Variants in KCNN1 observed in about 807,000 individuals in gnomAD.
The protein encoded by KCNN1 is potassium calcium-activated channel subfamily N member 1, also known as small conductance calcium-activated potassium channel protein 1.
Under a neutral mutation model 44.7 loss-of-function variants are expected in KCNN1, and 20 were observed. The ratio of observed to expected loss-of-function variants is 0.45; its 90% CI spans 0.32 to 0.65. The LOEUF is 0.65. Among genes scored for constraint, KCNN1 ranks in the 30% least tolerant of loss-of-function variants. The pLI, the probability that KCNN1 is intolerant of heterozygous loss-of-function variation, is 0.05. For missense variants in KCNN1, 632 were observed against 785.3 expected (o/e 0.80, Z 2.33); for synonymous variants, 324 against 341.7 (o/e 0.95, Z 0.57).
At chr19:17,985,574 G>A (rs552932591) in intron 5 of KCNN1, 121 bp downstream of exon 5, 144 of 873,290 alleles carry the variant, frequency 1.6e-4, no homozygotes, top group African/African-American at 3.4e-4. Context: ...CCTGATCAGC[G>A]TCCCTCCATC....
At chr19:17,955,136 G>T (rs945271765) in intron 2 of KCNN1, among the ~76,000 whole-genome samples, 1 of 147,420 alleles carries the variant, frequency 6.8e-6, no homozygotes, top group African/African-American at 2.5e-5. Flanking sequence ...CTAGCTACTC[G>T]GAAGGCTAAG....
rs375831564 is a variant in KCNN1 at position 17,998,086 on chromosome 19, C to G, written c.1378-66C>G. The G allele has an allele frequency of 4.1e-6, 6 of 1,463,174 alleles. No individual in the cohort carries two copies. The highest frequency in any genetic ancestry group is 5.4e-6 in the Non-Finnish European group (6 of 1,101,530). The allele number at this position is 1,463,174 out of a possible 1,614,324, so 90.6% of individuals were successfully genotyped here. A position where few individuals can be genotyped will look rare whatever the true frequency, so the allele number is the denominator to read the frequency against. ...GGCTGTCCCTCTCTGTCATTGGTGT[C>G]GTGGTATCGTCCTTTCCTCTCTCAC... is the stretch of plus-strand genomic sequence containing the variant. On this transcript the variant is annotated intron_variant, in intron 9 of 9. Transcript: ENST00000684775. The surrounding 1 kb of genome is among the most constrained non-coding windows in gnomAD (Gnocchi z 5.4).
intron 2 of KCNN1, among the ~76,000 whole-genome samples, chr19:17,961,562 T>TTTTC (rs891824391): frequency 1.6e-4 from 23 of 142,588 alleles, no homozygotes; most frequent in East Asian, 4.1e-4. Context: ...CAAAACCCTA[T>TTTTC]TTTCTTTCTT....
Position 17,988,487 on chromosome 19 carries a change from G to A in KCNN1, c.1132G>A (p.Val378Met), listed in dbSNP as rs1338697202. ...GGAGCTCACCAAGGCTGAGAAGCAC[G>A]TGCACAACTTCATGATGGACACTCA... ...KLELTKAEKH[V>M]HNFMMDTQLT... Residue 378 changes from valine to methionine, a missense_variant, in exon 6 of 10, where the codon GTG becomes ATG. By Grantham distance (21) the Val-to-Met change is conservative. Transcript: ENST00000684775. 1.2e-6 allele frequency: 2 copies of A among 1,613,868 alleles called. No individual in the cohort carries two copies. The highest frequency in any genetic ancestry group is 2.2e-5 in the East Asian group (1 of 44,864).
chr19:17,984,540 C>T (rs2032528879), intron 4 of KCNN1, among the ~76,000 whole-genome samples: 1 of 152,142 alleles, frequency 6.6e-6, no homozygotes, highest in Non-Finnish European at 1.5e-5. Context: ...CAGAAAAAGG[C>T]CAAGGGGATT....
Position 17,999,094 on chromosome 19 carries a change from T to C in KCNN1, c.*688T>C, listed in dbSNP as rs991145843. 1.3e-5 allele frequency: 2 copies of C among 152,232 alleles called. No individual in the cohort carries two copies. The highest frequency in any genetic ancestry group is 6.5e-5 in the Admixed American group (1 of 15,276). 9.4% of individuals were successfully genotyped at this position (152,232 alleles called of 1,614,324 possible). ...TGAGATTTGTATTGAGCACCTGCTG[T>C]CTACAGAGAATGTGATGATGTCAAT... is the stretch of plus-strand genomic sequence containing the variant. On this transcript the variant is annotated 3_prime_UTR_variant, in exon 10 of 10. Transcript: ENST00000684775.
rs770400490 is a variant in KCNN1, at chr19:17,993,031, C to A, written c.1299-23C>A. 1.8e-5 allele frequency: 29 copies of A among 1,613,242 alleles called. No individual in the cohort carries two copies. Among genetic ancestry groups the A allele is most frequent in the Non-Finnish European group, 2.4e-5 (28 of 1,179,634 alleles). On this transcript the variant is annotated intron_variant, in intron 7 of 9. Coordinates refer to ENST00000684775, the MANE Select transcript of KCNN1 (RefSeq NM_001386974.1). The surrounding 1 kb of genome is among the most constrained non-coding windows in gnomAD (Gnocchi z 4.5). ...GTTAAAATTGCCTTGTGATTTTTCT[C>A]CTGCTCTGCCCGGTCCTGCCAGGGC...
At chr19:17,979,942 C>T (rs961766599) in intron 3 of KCNN1, among the ~76,000 whole-genome samples, 4 of 152,074 alleles carry the variant, frequency 2.6e-5, no homozygotes, top group African/African-American at 9.7e-5. Flanking sequence ...GCACCCACAC[C>T]TGGAATCTCA....
chr19:17,976,865 G>A (rs1191975805), intron 3 of KCNN1, among the ~76,000 whole-genome samples: 2 of 151,648 alleles, frequency 1.3e-5, no homozygotes, highest in Non-Finnish European at 1.5e-5. Flanking sequence ...ACAGGTGCCC[G>A]CCACCACGCC....
intron 9 of KCNN1, among the ~76,000 whole-genome samples, chr19:17,995,731 G>T (rs1004160218): frequency 9.9e-5 from 15 of 151,622 alleles, no homozygotes; most frequent in Non-Finnish European, 1.6e-4. Flanking sequence ...GATTACAGGT[G>T]TATGCCGCCA....
chr19:17,962,551 G>A (rs942075947), upstream of KCNN1, among the ~76,000 whole-genome samples: 1 of 152,136 alleles, frequency 6.6e-6, no homozygotes, highest in African/African-American at 2.4e-5. Flanking sequence ...GAGGTGCTCA[G>A]TAGATGCTGA....
chr19:17,978,424 G>GTT (rs936725904), intron 3 of KCNN1, among the ~76,000 whole-genome samples: 277 of 117,054 alleles, frequency 2.4e-3, no homozygotes, highest in East Asian at 1.0e-2. Context: ...TGCCCAGCCT[G>GTT]TTTTTTTTTT....
rs545052384 is a variant in KCNN1 at position 17,996,475 on chromosome 19, G to A, written c.1378-1677G>A. Among the ~76,000 whole-genome samples the A allele has an allele frequency of 3.3e-5, 5 of 152,120 alleles. No homozygotes were observed. The East Asian group carries it at 5.8e-4, about 18-fold the overall frequency. On this transcript the variant is annotated intron_variant, in intron 9 of 9. Transcript: ENST00000684775. The stretch of plus-strand genomic sequence containing the variant: ...ACAAAAATTAGCCGGGTGTGGTAGC[G>A]GGCACCTGTAATCTCAGCTACTTGG...
chr19:17,988,623 G>A (rs2032685122), intron 6 of KCNN1, 98 bp downstream of exon 6: 1 of 905,622 alleles, frequency 1.1e-6, no homozygotes, highest in Non-Finnish European at 1.7e-6. Flanking sequence ...ATGCTCATGT[G>A]CCCATGGGTT....
intron 6 of KCNN1, 111 bp from the exon 7 acceptor site, chr19:17,989,605 C>A: frequency 6.6e-7 from 1 of 1,513,634 alleles, no homozygotes; most frequent in African/African-American, 1.4e-5. Flanking sequence ...CCCAGGGACC[C>A]TGAGAGGCAT....
At chr19:17,981,615 A>C in intron 3 of KCNN1, 94 bp from the exon 4 acceptor site, 2 of 1,089,272 alleles carry the variant, frequency 1.8e-6, no homozygotes, top group East Asian at 5.4e-5. Context: ...GTTTCAGGCC[A>C]GGCTGACGTC....
chr19:17,988,482 A>T lies in KCNN1; in HGVS notation c.1127A>T (p.Lys376Met). ...AAGCTGGAGCTCACCAAGGCTGAGAAGCACGTGCACAACTTCATGATGGAC... is the reference window on the plus strand; with the variant it reads ...AAGCTGGAGCTCACCAAGGCTGAGATGCACGTGCACAACTTCATGATGGAC... ...ARKLELTKAE[K>M]HVHNFMMDTQ... is the part of the protein sequence containing the mutation. Residue 376 changes from lysine (K) to methionine (M), a missense_variant, in exon 6 of 10, where the codon AAG becomes ATG. Transcript: ENST00000684775. 5.6e-6 allele frequency: 9 copies of T among 1,613,834 alleles called. No homozygotes were observed. Among genetic ancestry groups the T allele is most frequent in the Non-Finnish European group, 7.6e-6 (9 of 1,179,916 alleles).
intron 3 of KCNN1, among the ~76,000 whole-genome samples, chr19:17,977,020 T>G (rs1411184413): frequency 1.3e-5 from 2 of 152,034 alleles, no homozygotes; most frequent in Non-Finnish European, 2.9e-5. Context: ...CCTGGCCTAT[T>G]CAACCTTAAC....
chr19:17,965,319 G>C (rs1177761319), upstream of KCNN1, among the ~76,000 whole-genome samples: 1 of 151,988 alleles, frequency 6.6e-6, no homozygotes, highest in South Asian at 2.1e-4. Context: ...TACAGCCTGT[G>C]CAAGCAGACC....
Sources: allele counts gnomAD v4.1 joint callset (sites outside exome capture counted in the v4.1 genomes callset), GRCh38; gene constraint gnomAD v4.1.1; non-coding constraint Gnocchi (gnomAD v3.1); transcripts MANE v1.5; gene names NCBI Gene and HGNC (gene_info 2026-07-23, HGNC 2026-07-21).